Variants in MYO16 observed in about 807,000 individuals in gnomAD.
MYO16 encodes the protein myosin XVI, also known as unconventional myosin-XVI.
A neutral mutation model predicts 205.3 loss-of-function variants in MYO16; 94 were observed. The ratio of observed to expected loss-of-function variants is 0.46; its 90% CI spans 0.39 to 0.54. MYO16 has a LOEUF of 0.54. Ranked by LOEUF, MYO16 falls within the 20% of genes least tolerant of loss-of-function variation. The pLI, the probability that MYO16 is intolerant of heterozygous loss-of-function variation, is 0.00. For missense variants in MYO16, 2,315 were observed against 2,387.5 expected (o/e 0.97, Z 0.63); for synonymous variants, 988 against 954.0 (o/e 1.04, Z -0.66).
At chr13:109,126,989 A>G (rs1876282515) in intron 30 of MYO16, among the ~76,000 whole-genome samples, 1 of 152,228 alleles carries the variant, frequency 6.6e-6, no homozygotes, top group Non-Finnish European at 1.5e-5. Flanking sequence ...GCCTGATGGA[A>G]AATGCGAAGG....
intron 6 of MYO16, among the ~76,000 whole-genome samples, chr13:108,794,816 T>C (rs1426456205): frequency 6.6e-6 from 1 of 152,164 alleles, no homozygotes; most frequent in Admixed American, 6.5e-5. Flanking sequence ...TTTGGAGTTC[T>C]GAAGTGTGAA....
intron 32 of MYO16, among the ~76,000 whole-genome samples, chr13:109,158,366 C>T (rs1288248345): frequency 6.6e-6 from 1 of 152,206 alleles, no homozygotes; most frequent in African/African-American, 2.4e-5. Context: ...AGAAGTTCCT[C>T]TTCTCGCCTT....
chr13:108,495,801 C>T, the MYO16 span, among the ~76,000 whole-genome samples: 2 of 151,436 alleles, frequency 1.3e-5, no homozygotes, highest in Non-Finnish European at 2.9e-5. Flanking sequence ...GCAACCGCGC[C>T]GGCCCCGGGC....
chr13:108,848,403 A>C (rs1034707694), intron 10 of MYO16, among the ~76,000 whole-genome samples: 2 of 152,208 alleles, frequency 1.3e-5, no homozygotes, highest in African/African-American at 4.8e-5. Flanking sequence ...CACCTGCACT[A>C]TCTTAATCCT....
chr13:109,134,965 TTCA>T (rs907108917), intron 31 of MYO16, among the ~76,000 whole-genome samples: 3 of 152,164 alleles, frequency 2.0e-5, no homozygotes, highest in African/African-American at 7.2e-5. Context: ...CAAAGCCTCC[TTCA>T]TCATCTCATC....
rs758646747 is a variant in MYO16, at chr13:109,127,590, C to T, written c.4051+40C>T. ...GGGACCCAGCCTCGTGTTCCGGGCTCGCGCATGCTCTGACTTCGCCTTGGG... is the reference window on the plus strand; with the variant it reads ...GGGACCCAGCCTCGTGTTCCGGGCTTGCGCATGCTCTGACTTCGCCTTGGG... On this transcript the variant is annotated intron_variant, in intron 31 of 34. Coordinates refer to ENST00000457511, the MANE Select transcript of MYO16 (RefSeq NM_001198950.3). This position sits in a 1 kb window ranked among gnomAD's most constrained non-coding sequence, Gnocchi z 4.2. 11 of 1,591,116 alleles carry T rather than the reference C, an allele frequency of 6.9e-6. No individual in the cohort carries two copies. The highest frequency in any genetic ancestry group is 2.3e-5 in the East Asian group (1 of 44,224).
chr13:108,613,911 G>A (rs529304596), intron 1 of MYO16, among the ~76,000 whole-genome samples: 1 of 152,206 alleles, frequency 6.6e-6, no homozygotes, highest in Admixed American at 6.5e-5. Context: ...TTATTCCTAA[G>A]ATGAGGAACA....
intron 2 of MYO16, among the ~76,000 whole-genome samples, chr13:108,684,557 A>G (rs556927017): frequency 9.8e-5 from 15 of 152,312 alleles, no homozygotes; most frequent in African/African-American, 3.4e-4. Flanking sequence ...TATCTGAGGC[A>G]GAGCTCCTAA....
rs139574905 is a variant in MYO16 at position 108,876,946 on chromosome 13, G to A, written c.1426-6113G>A. The stretch of plus-strand genomic sequence containing the variant: ...CCCCCAAAGTGCTGGGATTACAGGC[G>A]TGAGTCACCGCGCCCAGCCATTAAC... On this transcript the variant is annotated intron_variant, in intron 12 of 34. Coordinates refer to ENST00000457511, the MANE Select transcript of MYO16 (RefSeq NM_001198950.3). Among the ~76,000 whole-genome samples, 9 of 152,226 alleles carry A rather than the reference G, an allele frequency of 5.9e-5. No individual in the cohort carries two copies. In the East Asian group the frequency reaches 1.4e-3, roughly 23 times the overall value.
At chr13:109,065,422 T>G (rs1236304378) in intron 27 of MYO16, among the ~76,000 whole-genome samples, 1 of 151,596 alleles carries the variant, frequency 6.6e-6, no homozygotes, top group East Asian at 1.9e-4. Flanking sequence ...TATTTTCATC[T>G]CTCCCCGATA....
chr13:108,895,163 A>G (rs1241449339), intron 14 of MYO16, among the ~76,000 whole-genome samples: 2 of 152,158 alleles, frequency 1.3e-5, no homozygotes, highest in Non-Finnish European at 2.9e-5. Context: ...TCCATGACTT[A>G]TATAGGGACA....
At chr13:108,771,181 A>G (rs538243094) in intron 4 of MYO16, among the ~76,000 whole-genome samples, 1 of 152,326 alleles carries the variant, frequency 6.6e-6, no homozygotes, top group East Asian at 1.9e-4. Flanking sequence ...CTATGTCTAT[A>G]TAGATATATA....
chr13:108,917,271 A>T (rs1387077814), intron 16 of MYO16, among the ~76,000 whole-genome samples: 1 of 152,192 alleles, frequency 6.6e-6, no homozygotes, highest in Non-Finnish European at 1.5e-5. Flanking sequence ...CCGGGCCCCT[A>T]AGTTAAGGAC....
chr13:108,838,163 G>C (rs1566360920), intron 9 of MYO16, among the ~76,000 whole-genome samples: 1 of 152,028 alleles, frequency 6.6e-6, no homozygotes, highest in Non-Finnish European at 1.5e-5. Flanking sequence ...TCCAGAGCAA[G>C]TTCTTCTCCT....
At chr13:108,938,304 T>A (rs1302807741) in intron 16 of MYO16, among the ~76,000 whole-genome samples, 5 of 152,184 alleles carry the variant, frequency 3.3e-5, no homozygotes, top group African/African-American at 1.2e-4. Context: ...TATACTTGCT[T>A]ATTGTTTGCT....
intron 32 of MYO16, among the ~76,000 whole-genome samples, chr13:109,154,992 G>T (rs1363476887): frequency 6.7e-6 from 1 of 149,246 alleles, no homozygotes; most frequent in African/African-American, 2.5e-5. Context: ...CCCCTTTATG[G>T]CAGGGACAGA....
chr13:108,685,237 G>T (rs764367765), intron 2 of MYO16, among the ~76,000 whole-genome samples: 20 of 152,032 alleles, frequency 1.3e-4, no homozygotes, highest in Non-Finnish European at 2.6e-4. Flanking sequence ...AGGCCAGGAT[G>T]GTTTCGATCT....
At chr13:108,762,037 G>A (rs932859184) in intron 4 of MYO16, among the ~76,000 whole-genome samples, 2 of 152,090 alleles carry the variant, frequency 1.3e-5, no homozygotes, top group Admixed American at 6.5e-5. Flanking sequence ...CTATCATTCT[G>A]TGCTGTATGT....
intron 16 of MYO16, among the ~76,000 whole-genome samples, chr13:108,947,486 A>G (rs945702897): frequency 2.6e-5 from 4 of 152,270 alleles, no homozygotes; most frequent in Middle Eastern, 3.4e-3. Context: ...GGCCAGGCCA[A>G]CCCACACTTT....
Sources: gnomAD v4.1 joint callset for allele counts (sites outside exome capture counted in the v4.1 genomes callset) on GRCh38, gnomAD v4.1.1 for gene constraint, Gnocchi (gnomAD v3.1) non-coding constraint, MANE v1.5 for transcripts, NCBI Gene and HGNC (gene_info 2026-07-23, HGNC 2026-07-21) for gene names.